The following GLIS3 variants were observed in gnomAD, a reference collection of about 807,000 sequenced individuals.
The protein encoded by GLIS3 is zinc finger protein GLIS3.
GLIS3 carries 53 observed loss-of-function variants against 78.6 expected under a neutral mutation model. The ratio of observed to expected loss-of-function variants is 0.67; its 90% CI spans 0.54 to 0.85. The LOEUF is 0.85. Ranked by LOEUF, GLIS3 falls within the 40% of genes least tolerant of loss-of-function variation. GLIS3 has a pLI of 0.00. For synonymous variants in GLIS3, 684 were observed against 509.9 expected (o/e 1.34, Z -4.60); for missense variants, 1,703 against 1,231.1 (o/e 1.38, Z -5.74).
chr9:4,083,104 C>G (rs182400928), intron 4 of GLIS3, among the ~76,000 whole-genome samples: 1 of 152,172 alleles, frequency 6.6e-6, no homozygotes, highest in Admixed American at 6.5e-5. Context: ...AATAAGGGAA[C>G]AGAAATTTGA....
intron 2 of GLIS3, among the ~76,000 whole-genome samples, chr9:4,270,180 CT>C (rs2130140419): frequency 6.6e-6 from 1 of 152,338 alleles, no homozygotes; most frequent in East Asian, 1.9e-4. Flanking sequence ...GCACTGCTGA[CT>C]CTTAGAGCCT....
intron 2 of GLIS3, among the ~76,000 whole-genome samples, chr9:4,328,743 A>T (rs1044607641): frequency 8.1e-5 from 12 of 148,404 alleles, no homozygotes; most frequent in African/African-American, 2.9e-4. Flanking sequence ...TCCCTGCGTA[A>T]AACAGGTATG....
chr9:4,397,323 C>T, the GLIS3 span, among the ~76,000 whole-genome samples: 9 of 151,662 alleles, frequency 5.9e-5, no homozygotes, highest in African/African-American at 1.9e-4. Flanking sequence ...CCACACCCTG[C>T]CGTCAATCCA....
At chr9:3,918,884 A>G (rs955500623) in intron 6 of GLIS3, among the ~76,000 whole-genome samples, 2 of 152,244 alleles carry the variant, frequency 1.3e-5, no homozygotes, top group African/African-American at 2.4e-5. Flanking sequence ...ACAATGACCA[A>G]TGTTCACCAA....
the GLIS3 span, among the ~76,000 whole-genome samples, chr9:4,472,717 T>C: frequency 6.6e-6 from 1 of 152,104 alleles, no homozygotes; most frequent in Non-Finnish European, 1.5e-5. Context: ...GTAACAAACC[T>C]GCACGTTGTG....
rs570234014 is a variant in GLIS3, at chr9:4,063,046, T to G, written c.1710+54722A>C. Among the ~76,000 whole-genome samples the G allele has an allele frequency of 5.9e-5, 9 of 152,144 alleles. No individual in the cohort carries two copies. The East Asian group carries it at 7.7e-4, about 13-fold the overall frequency. ...GAATAAACTCTCTTGACTCTTTATC[T>G]CACCAGATTAATATACAGATGGCAA... is the stretch of plus-strand genomic sequence containing the variant. On this transcript the variant is annotated intron_variant, in intron 4 of 10. Transcript: ENST00000381971.
chr9:4,209,455 G>C (rs982230126), intron 2 of GLIS3, among the ~76,000 whole-genome samples: 37 of 152,168 alleles, frequency 2.4e-4, no homozygotes, highest in Admixed American at 2.6e-4. Context: ...TCCTACTCCA[G>C]GTGGCAAGAG....
chr9:4,404,195 C>G, the GLIS3 span, among the ~76,000 whole-genome samples: 1 of 152,072 alleles, frequency 6.6e-6, no homozygotes, highest in Non-Finnish European at 1.5e-5. Flanking sequence ...TATATGCACC[C>G]AACGCTGGAG....
chr9:4,475,223 A>G, the GLIS3 span, among the ~76,000 whole-genome samples: 2 of 152,174 alleles, frequency 1.3e-5, no homozygotes, highest in African/African-American at 4.8e-5. Flanking sequence ...TTTGAAATAC[A>G]TATGTCCAGA....
chr9:3,903,929 G>C (rs891203762), intron 6 of GLIS3, among the ~76,000 whole-genome samples: 1 of 152,162 alleles, frequency 6.6e-6, no homozygotes, highest in Admixed American at 6.5e-5. Context: ...CAGCATGGCT[G>C]GGGTGGGGTG....
At chr9:4,312,464 T>C (rs1044814883) in intron 2 of GLIS3, among the ~76,000 whole-genome samples, 2 of 152,138 alleles carry the variant, frequency 1.3e-5, no homozygotes, top group African/African-American at 2.4e-5. Flanking sequence ...TGAGACTTTG[T>C]CTCAAAAAGA....
At chr9:4,335,703 A>G (rs968459031) in intron 2 of GLIS3, among the ~76,000 whole-genome samples, 2 of 152,136 alleles carry the variant, frequency 1.3e-5, no homozygotes, top group African/African-American at 4.8e-5. Context: ...AAACATCAGG[A>G]TCTATTTAGA....
intron 7 of GLIS3, 110 bp downstream of exon 7, chr9:3,898,581 A>G (rs769914753): frequency 2.8e-5 from 36 of 1,300,010 alleles, no homozygotes; most frequent in Non-Finnish European, 3.9e-5. Flanking sequence ...TTGATAAAGA[A>G]CAACACAGAC....
At chr9:4,383,486 G>A in the GLIS3 span, among the ~76,000 whole-genome samples, 37 of 152,202 alleles carry the variant, frequency 2.4e-4, no homozygotes, top group Middle Eastern at 3.4e-3. Context: ...TTCACTTCTG[G>A]CAGAAGCTGT....
chr9:4,297,391 C>T (rs1816634631), intron 1 of GLIS3, among the ~76,000 whole-genome samples: 1 of 152,196 alleles, frequency 6.6e-6, no homozygotes, highest in Non-Finnish European at 1.5e-5. Context: ...GTTTCCTCAT[C>T]AGGTGAAGCC....
the GLIS3 span, among the ~76,000 whole-genome samples, chr9:4,422,182 T>C: frequency 6.6e-6 from 1 of 152,238 alleles, no homozygotes; most frequent in African/African-American, 2.4e-5. Flanking sequence ...TATCATAAAT[T>C]TGTATTTCAA....
At chr9:4,031,001 T>C (rs1823789697) in intron 4 of GLIS3, among the ~76,000 whole-genome samples, 2 of 152,038 alleles carry the variant, frequency 1.3e-5, no homozygotes, top group South Asian at 2.1e-4. Flanking sequence ...AAATAACAAG[T>C]GTTGGCCAGG....
At chr9:4,059,827 TGTGAGAGAGAGA>T in intron 4 of GLIS3, among the ~76,000 whole-genome samples, 1 of 106,822 alleles carries the variant, frequency 9.4e-6, no homozygotes, top group East Asian at 3.1e-4. Flanking sequence ...TGTGTGTGTG[TGTGAGAGAGAGA>T]GAGAGAGAGA....
intron 2 of GLIS3, among the ~76,000 whole-genome samples, chr9:4,189,240 T>G (rs1818100531): frequency 1.3e-5 from 2 of 152,218 alleles, no homozygotes; most frequent in Admixed American, 1.3e-4. Context: ...ATTTCTGCCT[T>G]CATTTCATTA....
Sources: allele counts gnomAD v4.1 joint callset (sites outside exome capture counted in the v4.1 genomes callset), GRCh38; gene constraint gnomAD v4.1.1; transcripts MANE v1.5; gene names NCBI Gene and HGNC (gene_info 2026-07-23, HGNC 2026-07-21).